Variants in SUGP2 observed in about 807,000 individuals in gnomAD.
SUGP2 encodes SURP and G-patch domain-containing protein 2.
A neutral mutation model predicts 90.5 loss-of-function variants in SUGP2; 24 were observed. The ratio of observed to expected loss-of-function variants is 0.27; its 90% confidence interval spans 0.19 to 0.37. The LOEUF (loss-of-function observed/expected upper bound fraction) is 0.37, where lower values mean the gene tolerates loss of function less well. SUGP2 is among the 10% of genes least tolerant of loss of function. The pLI is 1.00. For synonymous variants in SUGP2, 473 were observed against 513.4 expected (o/e 0.92, Z 1.06); for missense variants, 1,233 against 1,363.3 (o/e 0.90, Z 1.51).
At chr19:19,026,353 C>T in intron 2 of SUGP2, 127 bp from the exon 3 acceptor site, 3 of 887,300 alleles carry the variant, frequency 3.4e-6, no homozygotes, top group East Asian at 2.7e-5. Flanking sequence ...CACCTCAGTG[C>T]TTTTTGCCAA....
At chr19:18,997,010 A>G (rs1360855808) in intron 8 of SUGP2, among the ~76,000 whole-genome samples, 1 of 151,696 alleles carries the variant, frequency 6.6e-6, no homozygotes, top group Non-Finnish European at 1.5e-5. Flanking sequence ...GGAGAGGGTT[A>G]GATGACCCTG....
chr19:19,021,503 C>T (rs1313201813), intron 3 of SUGP2, among the ~76,000 whole-genome samples: 1 of 152,066 alleles, frequency 6.6e-6, no homozygotes, highest in Non-Finnish European at 1.5e-5. Flanking sequence ...GGGACCCCTG[C>T]AAATTTGGTC....
At chr19:19,030,852 G>T in intron 2 of SUGP2, 99 bp downstream of exon 2, 2 of 1,314,146 alleles carry the variant, frequency 1.5e-6, no homozygotes, top group East Asian at 2.4e-5. Flanking sequence ...AGGATCAGAG[G>T]ACTGGTATTA....
chr19:19,015,864 C>T (rs2058481356), intron 4 of SUGP2, among the ~76,000 whole-genome samples: 1 of 152,198 alleles, frequency 6.6e-6, no homozygotes, highest in South Asian at 2.1e-4. Context: ...ACTCCTAAAT[C>T]TTTCCTTCTT....
Position 19,001,678 on chromosome 19 carries a change from G to T in SUGP2, c.2930-4C>A. 6.2e-7 allele frequency: 1 copy of T among 1,614,172 alleles called. No individual in the cohort carries two copies. The highest frequency in any genetic ancestry group is 8.5e-7 in the Non-Finnish European group (1 of 1,179,996). On this transcript the variant is annotated splice_polypyrimidine_tract_variant and splice_region_variant and intron_variant, in intron 7 of 10. Coordinates refer to ENST00000452918, the MANE Select transcript of SUGP2 (RefSeq NM_001017392.5). ...GCAATTCGAACTGGTTCATGGACTA[G>T]AAGACAAAAGAAAGAGACACATACA...
At chr19:19,014,701 T>C (rs1934980865) in intron 4 of SUGP2, among the ~76,000 whole-genome samples, 1 of 151,094 alleles carries the variant, frequency 6.6e-6, no homozygotes, top group Non-Finnish European at 1.5e-5. Context: ...CTTGGGAGGC[T>C]GAGGCAGGGG....
intron 1 of SUGP2, among the ~76,000 whole-genome samples, chr19:19,032,820 C>T (rs944560073): frequency 6.6e-6 from 1 of 152,180 alleles, no homozygotes; most frequent in Non-Finnish European, 1.5e-5. Flanking sequence ...GCATCCTTAA[C>T]CATCAAGATA....
At chr19:19,000,354 A>G (rs2057780882) in intron 8 of SUGP2, among the ~76,000 whole-genome samples, 1 of 152,006 alleles carries the variant, frequency 6.6e-6, no homozygotes, top group Non-Finnish European at 1.5e-5. Flanking sequence ...CCTCTCTTTG[A>G]CCTGCTTCTC....
chr19:19,002,201 G>A lies in SUGP2; in HGVS notation c.2930-527C>T, dbSNP rs570769707. Among the ~76,000 whole-genome samples the A allele has an allele frequency of 2.6e-5, 4 of 152,164 alleles. 1 individual carries two copies. Among genetic ancestry groups the A allele is most frequent in the South Asian group, 4.2e-4 (2 of 4,818 alleles). Reference sequence around the variant, plus strand: ...TCGAGACCAGCCTGGCCAGCATGGCGAAACCCCGTCTCTACTAAAAGTACA... The same window carrying A: ...TCGAGACCAGCCTGGCCAGCATGGCAAAACCCCGTCTCTACTAAAAGTACA... On this transcript the variant is annotated intron_variant, in intron 7 of 10. Transcript: ENST00000452918.
At chr19:19,007,759 T>C (rs1330027487) in intron 6 of SUGP2, among the ~76,000 whole-genome samples, 2 of 140,928 alleles carry the variant, frequency 1.4e-5, no homozygotes, top group African/African-American at 5.5e-5. Flanking sequence ...CCTAGCCTTT[T>C]TTTTTTTTTT....
At chr19:19,024,335 T>C (rs1424234253) in intron 3 of SUGP2, among the ~76,000 whole-genome samples, 1 of 151,796 alleles carries the variant, frequency 6.6e-6, no homozygotes, top group Admixed American at 6.6e-5. Flanking sequence ...GGTCTCAAAC[T>C]CTTGGTCTTA....
intron 4 of SUGP2, among the ~76,000 whole-genome samples, chr19:19,013,223 G>A (rs1014752914): frequency 7.2e-5 from 11 of 152,180 alleles, no homozygotes; most frequent in African/African-American, 2.2e-4. Context: ...GCTATGTAGT[G>A]CAGGCACCAA....
chr19:19,004,677 C>G lies in SUGP2; in HGVS notation c.2451-31G>C, dbSNP rs758113792. On this transcript the variant is annotated intron_variant, in intron 6 of 10. Transcript: ENST00000452918. ...GCACAGAGGAAATACATTGGGTAAC[C>G]AGATGGAATCTCTCAACATTTTTAT... 421 of 1,498,366 alleles carry G rather than the reference C, an allele frequency of 2.8e-4. 2 individuals are homozygous for G. The Middle Eastern group carries it at 3.9e-3, about 14-fold the overall frequency. 92.8% of individuals were successfully genotyped at this position (1,498,366 alleles called of 1,614,324 possible).
chr19:19,031,133 C>A, intron 1 of SUGP2, 51 bp from the exon 2 acceptor site: 2 of 1,577,258 alleles, frequency 1.3e-6, no homozygotes, highest in Non-Finnish European at 8.6e-7. Context: ...TGGAGCTGGG[C>A]GCGGTGGCTC....
intron 6 of SUGP2, 62 bp downstream of exon 6, chr19:19,008,255 A>G: frequency 1.5e-6 from 2 of 1,359,868 alleles, no homozygotes; most frequent in Non-Finnish European, 2.1e-6. Context: ...CCTAAGCAAC[A>G]TCCTTAGACT....
chr19:19,029,451 T>C (rs1436676183), intron 2 of SUGP2, among the ~76,000 whole-genome samples: 4 of 148,024 alleles, frequency 2.7e-5, no homozygotes, highest in African/African-American at 1.0e-4. Flanking sequence ...TTCTTTTTTT[T>C]TTTTTGAGAT....
At chr19:19,007,908 T>C (rs2058150060) in intron 6 of SUGP2, among the ~76,000 whole-genome samples, 1 of 151,988 alleles carries the variant, frequency 6.6e-6, no homozygotes, top group South Asian at 2.1e-4. Flanking sequence ...TACAGGTGCT[T>C]GCCACCATGC....
chr19:18,999,780 C>A (rs1231955479), intron 8 of SUGP2, among the ~76,000 whole-genome samples: 1 of 152,216 alleles, frequency 6.6e-6, no homozygotes, highest in African/African-American at 2.4e-5. Context: ...ACATGTGTCC[C>A]AGGTGACCCT....
At chr19:19,015,362 A>C (rs924017089) in intron 4 of SUGP2, among the ~76,000 whole-genome samples, 1 of 152,214 alleles carries the variant, frequency 6.6e-6, no homozygotes, top group Non-Finnish European at 1.5e-5. Context: ...CGTTCAATTG[A>C]CTGTTTTGTT....
Sources: allele counts gnomAD v4.1 joint callset (sites outside exome capture counted in the v4.1 genomes callset), GRCh38; gene constraint gnomAD v4.1.1; transcripts MANE v1.5; gene names NCBI Gene and HGNC (gene_info 2026-07-23, HGNC 2026-07-21).